The following BLM variants were observed in gnomAD, a reference collection of about 807,000 sequenced individuals.
BLM encodes BLM RecQ like helicase.
In BLM, 95 loss-of-function variants were observed where a neutral mutation model predicts 135.3. The ratio of observed to expected loss-of-function variants is 0.70; its 90% CI spans 0.59 to 0.83. BLM has a LOEUF of 0.83. Among genes scored for constraint, BLM ranks in the 40% least tolerant of loss-of-function variants. BLM has a pLI of 0.00. For missense variants in BLM, 1,518 were observed against 1,663.9 expected, an observed-to-expected ratio of 0.91 and a Z score of 1.53; for synonymous variants, 520 against 589.2, an observed-to-expected ratio of 0.88 and a Z score of 1.70.
intron 12 of BLM, among the ~76,000 whole-genome samples, chr15:90,772,874 G>T (rs945990340): frequency 6.6e-6 from 1 of 151,958 alleles, no homozygotes; most frequent in African/African-American, 2.4e-5. Context: ...AAGGTGGGCG[G>T]ATCACCTGAG....
intron 1 of BLM, among the ~76,000 whole-genome samples, chr15:90,735,088 GA>G: frequency 6.6e-6 from 1 of 151,366 alleles, no homozygotes; most frequent in East Asian, 1.9e-4. Flanking sequence ...ACAGCAACAA[GA>G]AAAAGAGAAA....
intron 14 of BLM, among the ~76,000 whole-genome samples, chr15:90,786,218 G>A (rs1019365031): frequency 7.9e-5 from 12 of 151,828 alleles, no homozygotes; most frequent in African/African-American, 2.9e-4. Context: ...GAACTCCTGG[G>A]CTCAAGTGAT....
chr15:90,748,633 C>T (rs1042522351), intron 2 of BLM, among the ~76,000 whole-genome samples: 8 of 152,118 alleles, frequency 5.3e-5, no homozygotes, highest in Admixed American at 5.2e-4. Flanking sequence ...CAGATAGCCA[C>T]GATTCCTGCG....
At chr15:90,755,336 A>G (rs974653656) in intron 5 of BLM, 6 of 214,992 alleles carry the variant, frequency 2.8e-5, no homozygotes, top group African/African-American at 1.2e-4. Context: ...CTCCTTGACT[A>G]AATATTATTA....
At chr15:90,742,209 A>T (rs1467925991) in intron 1 of BLM, among the ~76,000 whole-genome samples, 1 of 152,164 alleles carries the variant, frequency 6.6e-6, no homozygotes, top group African/African-American at 2.4e-5. Context: ...AAAAAATACA[A>T]AAAGTAGATT....
intron 1 of BLM, among the ~76,000 whole-genome samples, 193 bp downstream of exon 1, chr15:90,717,633 C>T (rs907780128): frequency 9.2e-5 from 14 of 152,196 alleles, no homozygotes; most frequent in African/African-American, 3.4e-4. Context: ...AATGGGGAAA[C>T]AGAGGCCCGG....
At chr15:90,774,098 G>A (rs1172710267) in intron 12 of BLM, among the ~76,000 whole-genome samples, 5 of 138,492 alleles carry the variant, frequency 3.6e-5, no homozygotes, top group Non-Finnish European at 6.1e-5. Flanking sequence ...TTTTTGAGGC[G>A]GAGTCTCACT....
At chr15:90,797,079 C>T (rs1180119411) in intron 16 of BLM, among the ~76,000 whole-genome samples, 2 of 151,978 alleles carry the variant, frequency 1.3e-5, no homozygotes, top group Admixed American at 6.6e-5. Flanking sequence ...AACCAAAAGA[C>T]CAAAGTAAGA....
At chr15:90,773,580 C>T (rs1173216953) in intron 12 of BLM, among the ~76,000 whole-genome samples, 1 of 113,432 alleles carries the variant, frequency 8.8e-6, no homozygotes, top group Non-Finnish European at 1.7e-5. Context: ...AATTTTAGAA[C>T]ATTTTTGTCT....
At chr15:90,755,080 C>G (rs1895783601) in intron 5 of BLM, 142 bp downstream of exon 5, 1 of 1,089,062 alleles carries the variant, frequency 9.2e-7, no homozygotes, top group Non-Finnish European at 1.3e-6. Flanking sequence ...ATGTCATAAC[C>G]TTGTTTACTG....
chr15:90,779,101 G>T (rs1216114072), intron 12 of BLM, among the ~76,000 whole-genome samples: 1 of 152,010 alleles, frequency 6.6e-6, no homozygotes, highest in African/African-American at 2.4e-5. Context: ...TGGCCAGGCT[G>T]GTCTTGAACT....
At chr15:90,775,199 G>T (rs1358146271) in intron 12 of BLM, among the ~76,000 whole-genome samples, 1 of 152,100 alleles carries the variant, frequency 6.6e-6, no homozygotes, top group Non-Finnish European at 1.5e-5. Flanking sequence ...GTAACTAAAT[G>T]GAATGAGAAG....
intron 20 of BLM, among the ~76,000 whole-genome samples, chr15:90,809,905 G>A (rs1342615928): frequency 1.3e-5 from 2 of 152,116 alleles, no homozygotes; most frequent in Non-Finnish European, 2.9e-5. Context: ...AATATTGAGA[G>A]CACAGAAGTC....
chr15:90,769,896 A>T (rs866880114), intron 12 of BLM, among the ~76,000 whole-genome samples: 1 of 152,134 alleles, frequency 6.6e-6, no homozygotes, highest in Non-Finnish European at 1.5e-5. Flanking sequence ...ATTGCATGCC[A>T]TATCTATCAT....
chr15:90,780,247 G>A (rs1896586519), intron 12 of BLM, among the ~76,000 whole-genome samples: 1 of 152,062 alleles, frequency 6.6e-6, no homozygotes, highest in East Asian at 1.9e-4. Context: ...ACCATGCCTG[G>A]CTAGTTTTTG....
At chr15:90,772,798 A>C (rs1450594095) in intron 12 of BLM, among the ~76,000 whole-genome samples, 1 of 152,140 alleles carries the variant, frequency 6.6e-6, no homozygotes, top group Admixed American at 6.5e-5. Flanking sequence ...TAGGAGGAGT[A>C]GTTTATTTAA....
Position 90,765,764 on chromosome 15 carries a change from A to G in BLM, c.2193+350A>G, listed in dbSNP as rs1360506934. The stretch of plus-strand genomic sequence containing the variant: ...CACACATGCATGCCTGCACACATAT[A>G]TCTTTTTTTCTCATGGCTGAGTTTA... On this transcript the variant is annotated intron_variant, in intron 9 of 21. Coordinates refer to ENST00000355112, the MANE Select transcript of BLM (RefSeq NM_000057.4). Among the ~76,000 whole-genome samples, 3 of 152,308 alleles carry G rather than the reference A, an allele frequency of 2.0e-5. No homozygotes were observed. In the East Asian group the frequency reaches 5.8e-4, roughly 29 times the overall value.
rs577697755 is a variant in BLM at position 90,807,499 on chromosome 15, A to C, written c.3752-1638A>C. Among the ~76,000 whole-genome samples, 6 of 152,244 alleles carry C rather than the reference A, an allele frequency of 3.9e-5. 1 individual carries two copies. In the South Asian group the frequency reaches 1.2e-3, roughly 32 times the overall value. ...ACTGCAGCCTAGACCTCCTGGGCTC[A>C]AGTGATCCTCCTACCCCAGCTTCCT... On this transcript the variant is annotated intron_variant, in intron 19 of 21. Transcript: ENST00000355112.
rs201845548 is a variant in BLM at position 90,749,964 on chromosome 15, C to A, written c.696C>A (p.Ser232Arg). ...AGAAGGATGACTCAGAATGGTTAAGCAGCGATGTGATTTGCATCGATGATG... is the reference window on the plus strand; with the variant it reads ...AGAAGGATGACTCAGAATGGTTAAGAAGCGATGTGATTTGCATCGATGATG... The part of the protein sequence containing the change: ...EEQKDDSEWL[S>R]SDVICIDDGP... The change falls in exon 3 of 22, where the codon AGC becomes AGA. Residue 232 changes from serine to arginine, a missense_variant. By Grantham distance (110) the Ser-to-Arg change is moderately radical (BLOSUM62 -1). Around this residue, in one of 5 missense-constraint regions of BLM, gnomAD observed 724 missense variants for 756.9 expected, o/e 0.96. Transcript: ENST00000355112. 35 of 1,614,112 alleles carry A rather than the reference C, an allele frequency of 2.2e-5. 1 individual carries two copies. The highest frequency in any genetic ancestry group is 1.2e-5 in the Non-Finnish European group (14 of 1,180,042).
Sources: gnomAD v4.1 joint callset for allele counts (sites outside exome capture counted in the v4.1 genomes callset) on GRCh38, gnomAD v4.1.1 for gene constraint, gnomAD v4.1.1 regional missense constraint, MANE v1.5 for transcripts, NCBI Gene and HGNC (gene_info 2026-07-23, HGNC 2026-07-21) for gene names.